CHCHD3: variants seen among roughly 807,000 people sequenced by gnomAD.
CHCHD3 encodes coiled-coil-helix-coiled-coil-helix domain containing 3, also known as MICOS complex subunit MIC19.
Under a neutral mutation model 38.2 loss-of-function variants are expected in CHCHD3, and 20 were observed. The ratio of observed to expected loss-of-function variants is 0.52; its 90% confidence interval spans 0.37 to 0.76. The LOEUF (loss-of-function observed/expected upper bound fraction) is 0.76, where lower values mean the gene tolerates loss of function less well. CHCHD3 is among the 30% of genes least tolerant of loss of function. The pLI is 0.00. For synonymous variants in CHCHD3, 82 were observed against 100.0 expected (o/e 0.82, Z 1.07); for missense variants, 245 against 279.2 (o/e 0.88, Z 0.87).
chr7:132,986,274 C>T (rs947366416), intron 3 of CHCHD3, among the ~76,000 whole-genome samples: 1 of 147,476 alleles, frequency 6.8e-6, no homozygotes, highest in Non-Finnish European at 1.5e-5. Context: ...TGCGGAAGGC[C>T]GCAGGGTCCT....
intron 2 of CHCHD3, chr7:133,036,124 C>T (rs1045336060): frequency 1.6e-6 from 1 of 609,590 alleles, no homozygotes; most frequent in South Asian, 1.9e-5. Context: ...ACCAAACCCT[C>T]CCCAACTCTC....
At chr7:132,919,254 G>A (rs890073322) in intron 4 of CHCHD3, among the ~76,000 whole-genome samples, 4 of 151,750 alleles carry the variant, frequency 2.6e-5, no homozygotes, top group Non-Finnish European at 4.4e-5. Flanking sequence ...GACTACAGGC[G>A]CCCGCCAGCA....
At chr7:132,967,625 TTAAATAAA>T (rs72008953) in intron 4 of CHCHD3, among the ~76,000 whole-genome samples, 6,867 of 139,976 alleles carry the variant, frequency 0.049, 361 homozygotes, top group African/African-American at 0.13. Context: ...ATGCTGTTTC[TTAAATAAA>T]TAAATAAATA....
intron 2 of CHCHD3, among the ~76,000 whole-genome samples, chr7:133,069,908 G>GT (rs1814769545): frequency 1.3e-5 from 2 of 152,158 alleles, no homozygotes; most frequent in Admixed American, 6.5e-5. Context: ...AAGCCTAGTA[G>GT]AGGATTCAAG....
intron 5 of CHCHD3, among the ~76,000 whole-genome samples, chr7:132,846,629 T>C (rs1808083720): frequency 6.6e-6 from 1 of 152,174 alleles, no homozygotes; most frequent in Non-Finnish European, 1.5e-5. Context: ...CTTGTCCTAT[T>C]CATCATTATA....
rs957807968 is a variant in CHCHD3 at position 133,035,973 on chromosome 7, G to T, written c.170-11346C>A. The T allele has an allele frequency of 5.0e-6, 6 of 1,190,840 alleles. No individual in the cohort carries two copies. Among genetic ancestry groups the T allele is most frequent in the Non-Finnish European group, 7.4e-6 (6 of 814,978 alleles). 73.8% of individuals were successfully genotyped at this position (1,190,840 alleles called of 1,614,324 possible). ...CAGTCTTAAAAGTGTTATCAGGTAG[G>T]GGTCCTTAGGGGAACTGTTTTAATG... On this transcript the variant is annotated intron_variant, in intron 2 of 7. Coordinates refer to ENST00000262570, the MANE Select transcript of CHCHD3 (RefSeq NM_017812.4). The surrounding 1 kb of genome is among the most constrained non-coding windows in gnomAD (Gnocchi z 4.7).
intron 4 of CHCHD3, among the ~76,000 whole-genome samples, chr7:132,922,959 AATC>A (rs1332433004): frequency 2.0e-5 from 3 of 152,208 alleles, no homozygotes; most frequent in South Asian, 2.1e-4. Flanking sequence ...TTACATGTAC[AATC>A]ATCATGTGAA....
chr7:132,984,016 A>ACGGTCTCCCTCTCCCCT (rs1811996844), intron 3 of CHCHD3, among the ~76,000 whole-genome samples: 1 of 144,006 alleles, frequency 6.9e-6, no homozygotes, highest in African/African-American at 2.6e-5. Flanking sequence ...CCCTCTCCCC[A>ACGGTCTCCCTCTCCCCT]CGGTCTCCCT....
intron 6 of CHCHD3, among the ~76,000 whole-genome samples, chr7:132,822,818 C>A (rs77830814): frequency 7.0e-6 from 1 of 143,366 alleles, no homozygotes; most frequent in Non-Finnish European, 1.5e-5. Context: ...GCGCCCCCCA[C>A]CAAAAACAAA....
chr7:133,042,472 A>G (rs566028556), intron 2 of CHCHD3, among the ~76,000 whole-genome samples: 25 of 152,290 alleles, frequency 1.6e-4, no homozygotes, highest in Non-Finnish European at 3.1e-4. Context: ...TATCCCAGAA[A>G]GATGTAGGGA....
chr7:132,923,152 A>C (rs1311054888), intron 4 of CHCHD3, among the ~76,000 whole-genome samples: 6 of 152,224 alleles, frequency 3.9e-5, no homozygotes, highest in Non-Finnish European at 7.3e-5. Context: ...ATGTCACAAT[A>C]AACTTGACTG....
chr7:132,856,567 T>A (rs758010335), intron 5 of CHCHD3, among the ~76,000 whole-genome samples: 1 of 152,218 alleles, frequency 6.6e-6, no homozygotes, highest in Non-Finnish European at 1.5e-5. Context: ...AACCACGCTG[T>A]GTCTGAACGT....
intron 5 of CHCHD3, among the ~76,000 whole-genome samples, chr7:132,879,338 T>C (rs758342033): frequency 6.6e-6 from 1 of 152,128 alleles, no homozygotes; most frequent in South Asian, 2.1e-4. Context: ...TATACCTAAC[T>C]AAATTTTCTG....
At chr7:133,001,950 C>A (rs1171710139) in intron 3 of CHCHD3, among the ~76,000 whole-genome samples, 1 of 152,142 alleles carries the variant, frequency 6.6e-6, no homozygotes, top group Non-Finnish European at 1.5e-5. Context: ...TGAAGGTAAC[C>A]CTGAGGTAAG....
intron 3 of CHCHD3, among the ~76,000 whole-genome samples, chr7:132,983,780 T>C (rs927457492): frequency 6.6e-6 from 1 of 152,058 alleles, no homozygotes; most frequent in African/African-American, 2.4e-5. Context: ...TACCATAGAT[T>C]GAGGTCTGCA....
At chr7:133,001,919 A>C (rs1191143476) in intron 3 of CHCHD3, among the ~76,000 whole-genome samples, 2 of 152,332 alleles carry the variant, frequency 1.3e-5, no homozygotes, top group East Asian at 3.9e-4. Context: ...GGAATGAACC[A>C]TCTGATCCTC....
chr7:132,905,632 C>A (rs1809783383), intron 4 of CHCHD3, among the ~76,000 whole-genome samples: 1 of 151,898 alleles, frequency 6.6e-6, no homozygotes, highest in Non-Finnish European at 1.5e-5. Context: ...AAAAAAAAAA[C>A]TTACCTGTAA....
At chr7:133,008,712 A>T (rs1812773924) in intron 3 of CHCHD3, among the ~76,000 whole-genome samples, 1 of 152,204 alleles carries the variant, frequency 6.6e-6, no homozygotes, top group South Asian at 2.1e-4. Flanking sequence ...TAAACATGTT[A>T]TTAAAAGAGA....
Position 133,028,897 on chromosome 7 carries a change from AAAAAG to A in CHCHD3, c.170-4275_170-4271del, listed in dbSNP as rs1365255504. ...AAGACTCCATCTCACAAAAAAAAAA[AAAAAG>A]AAAAGAAAAGAAAAAGAAGAGAGAG... On this transcript the variant is annotated intron_variant, in intron 2 of 7. Transcript: ENST00000262570. 5.9e-5 allele frequency among the ~76,000 whole-genome samples: 9 copies of A among 151,678 alleles called. No homozygotes were observed. The East Asian group carries it at 1.2e-3, about 20-fold the overall frequency.
Sources: gnomAD v4.1 joint callset for allele counts (sites outside exome capture counted in the v4.1 genomes callset) on GRCh38, gnomAD v4.1.1 for gene constraint, Gnocchi (gnomAD v3.1) non-coding constraint, MANE v1.5 for transcripts, NCBI Gene and HGNC (gene_info 2026-07-23, HGNC 2026-07-21) for gene names.